SMIM17: variants seen among roughly 807,000 people sequenced by gnomAD.
The protein encoded by SMIM17 is small integral membrane protein 17.
In SMIM17, 10 loss-of-function variants were observed where a neutral mutation model predicts 12.2. The observed-to-expected ratio is 0.82, with a 90% CI of 0.50 to 1.39. The LOEUF (loss-of-function observed/expected upper bound fraction) is 1.39, where lower values mean the gene tolerates loss of function less well. Ranked by LOEUF, SMIM17 falls within the 40% of genes most tolerant of loss-of-function variation. SMIM17 has a pLI of 0.00. For synonymous variants in SMIM17, 50 were observed against 44.1 expected (o/e 1.13, Z -0.53); for missense variants, 136 against 118.2 (o/e 1.15, Z -0.70).
chr19:56,648,841 T>C (rs2148041036), intron 3 of SMIM17, among the ~76,000 whole-genome samples: 1 of 152,338 alleles, frequency 6.6e-6, no homozygotes, highest in South Asian at 2.1e-4. Context: ...AGAAAACCAG[T>C]GGTTCTTTCA....
intron 3 of SMIM17, among the ~76,000 whole-genome samples, chr19:56,651,683 G>A (rs192346575): frequency 3.3e-5 from 5 of 152,170 alleles, no homozygotes; most frequent in Admixed American, 2.6e-4. Flanking sequence ...GGGGGATTTC[G>A]GGGTTGATAA....
At chr19:56,645,869 G>C (rs1213997984) in intron 2 of SMIM17, 33 bp downstream of exon 2, 3 of 1,503,710 alleles carry the variant, frequency 2.0e-6, no homozygotes, top group Non-Finnish European at 2.7e-6. Flanking sequence ...GAGGTGAGTG[G>C]GTGGAGAGGA....
chr19:56,647,445 G>T (rs1336164788), intron 2 of SMIM17, 113 bp from the exon 3 acceptor site: 2 of 634,306 alleles, frequency 3.2e-6, no homozygotes, highest in Non-Finnish European at 5.3e-6. Flanking sequence ...GAGAGAGAGA[G>T]AGAGAGGAGG....
intron 1 of SMIM17, among the ~76,000 whole-genome samples, chr19:56,645,255 CTG>C (rs1239018495): frequency 1.7e-4 from 25 of 150,864 alleles, no homozygotes; most frequent in Middle Eastern, 3.2e-3. Flanking sequence ...GACTGTGTGT[CTG>C]TGTGTGTGTA....
chr19:56,646,814 G>T (rs931656539), intron 2 of SMIM17, among the ~76,000 whole-genome samples: 1 of 152,190 alleles, frequency 6.6e-6, no homozygotes, highest in Non-Finnish European at 1.5e-5. Flanking sequence ...GGCCCAAACA[G>T]ATGGATAAAG....
rs539773616 is a variant in SMIM17, at chr19:56,647,559, C to G, written c.171C>G (p.Asp57Glu). The G allele has an allele frequency of 5.9e-6, 9 of 1,535,596 alleles. No individual in the cohort carries two copies. The South Asian group carries it at 1.1e-4, about 18-fold the overall frequency. Residue 57 changes from aspartate (D) to glutamate (E), a missense_variant and splice_region_variant, in exon 3 of 4, where the codon GAC becomes GAG. Coordinates refer to ENST00000598409, the MANE Select transcript of SMIM17 (RefSeq NM_001193628.2). ...GASSHDSDEK[D>E]LSSQETGLSQ... ...TCCTCCACTCCCACCCTCACCCAGA[C>G]CTGTCTTCTCAAGAGACTGGGCTTT... is the stretch of plus-strand genomic sequence containing the variant.
intron 3 of SMIM17, among the ~76,000 whole-genome samples, chr19:56,652,615 G>A (rs548437541): frequency 1.3e-4 from 19 of 151,354 alleles, no homozygotes; most frequent in Admixed American, 5.9e-4. Flanking sequence ...TTGCACCACT[G>A]CCCTCCAGCC....
At chr19:56,644,700 T>C (rs1218245290) in intron 1 of SMIM17, among the ~76,000 whole-genome samples, 1 of 152,220 alleles carries the variant, frequency 6.6e-6, no homozygotes, top group African/African-American at 2.4e-5. Context: ...CTCCTTACAA[T>C]AGAGAAGTAT....
chr19:56,643,362 T>G (rs1311590384), intron 1 of SMIM17, among the ~76,000 whole-genome samples, 152 bp downstream of exon 1: 2 of 152,040 alleles, frequency 1.3e-5, no homozygotes, highest in African/African-American at 4.8e-5. Context: ...GCTCCAGGGA[T>G]AGGGTCCGGG....
intron 3 of SMIM17, among the ~76,000 whole-genome samples, chr19:56,653,376 T>C (rs2148044751): frequency 6.6e-6 from 1 of 152,338 alleles, no homozygotes; most frequent in Middle Eastern, 3.4e-3. Context: ...GCTGGACAGT[T>C]TTCCATTTAA....
intron 2 of SMIM17, among the ~76,000 whole-genome samples, 168 bp downstream of exon 2, chr19:56,646,004 G>A (rs79110504): frequency 0.016 from 2,375 of 152,358 alleles, 66 homozygotes; most frequent in African/African-American, 0.054. Context: ...AAACTTAGGG[G>A]CTTAAAGCAA....
At position 56,655,726 on chromosome 19, in the gene SMIM17, A is replaced by T. The variant is rs1237806534; in HGVS notation, c.*513A>T. Reference sequence around the variant, plus strand: ...TCATGGTTAAGCTTGCATCATAGAAAGACTTGGGTAACTTTTACCTTTTCT... The same window carrying T: ...TCATGGTTAAGCTTGCATCATAGAATGACTTGGGTAACTTTTACCTTTTCT... On this transcript the variant is annotated 3_prime_UTR_variant, in exon 4 of 4. Transcript: ENST00000598409. 6 of 153,974 alleles carry T rather than the reference A, an allele frequency of 3.9e-5. No homozygotes were observed. The highest frequency in any genetic ancestry group is 3.2e-4 in the Admixed American group (5 of 15,440). 9.5% of individuals were successfully genotyped at this position (153,974 alleles called of 1,614,324 possible).
intron 3 of SMIM17, among the ~76,000 whole-genome samples, chr19:56,654,433 A>C (rs1745015786): frequency 6.6e-6 from 1 of 152,244 alleles, no homozygotes; most frequent in Admixed American, 6.5e-5. Context: ...TATCAAGACA[A>C]GAAACAAAAT....
chr19:56,646,945 G>C (rs1412124556), intron 2 of SMIM17, among the ~76,000 whole-genome samples: 2 of 152,156 alleles, frequency 1.3e-5, no homozygotes, highest in African/African-American at 4.8e-5. Context: ...CAGAAGGAGT[G>C]GATAACAGAG....
In SMIM17 at chr19:56,655,948, G is replaced by GT. The variant is rs1430654024; in HGVS notation, c.*740dup. On this transcript the variant is annotated 3_prime_UTR_variant, in exon 4 of 4. Transcript: ENST00000598409. ...GCATTTATTTTGGCGAATTACAGAG[G>GT]TTTTTGTTTTTTTTTTTTTTTGAGA... Among the ~76,000 whole-genome samples, 125 of 118,924 alleles carry GT rather than the reference G, an allele frequency of 1.1e-3. 1 individual carries two copies. The highest frequency in any genetic ancestry group is 2.6e-3 in the South Asian group (9 of 3,408). The allele number at this position is 118,924 out of a possible 152,430, so 78.0% of individuals were successfully genotyped here.
chr19:56,653,685 T>C (rs1471819174), intron 3 of SMIM17, among the ~76,000 whole-genome samples: 4 of 152,236 alleles, frequency 2.6e-5, no homozygotes, highest in Non-Finnish European at 5.9e-5. Flanking sequence ...CTTTTGGTGC[T>C]CTACCAGGTT....
In SMIM17 at chr19:56,657,144, G is replaced by A. The variant is rs2045157802; in HGVS notation, c.*1931G>A. Among the ~76,000 whole-genome samples, 1 of 152,176 alleles carries A rather than the reference G, an allele frequency of 6.6e-6. No homozygotes were observed. Among genetic ancestry groups the A allele is most frequent in the South Asian group, 2.1e-4 (1 of 4,826 alleles). On this transcript the variant is annotated 3_prime_UTR_variant, in exon 4 of 4. Coordinates refer to ENST00000598409, the MANE Select transcript of SMIM17 (RefSeq NM_001193628.2). ...CAGCTGTGTAATTCGAGGCATATAA[G>A]TGCAGCATTGTTATGTCCTTGTTAA...
intron 3 of SMIM17, among the ~76,000 whole-genome samples, chr19:56,651,964 C>T (rs1216525070): frequency 6.6e-6 from 1 of 151,846 alleles, no homozygotes; most frequent in Non-Finnish European, 1.5e-5. Flanking sequence ...ATTAGCTGGG[C>T]ATGGTGGCAC....
intron 3 of SMIM17, among the ~76,000 whole-genome samples, chr19:56,650,911 C>T (rs1027206482): frequency 2.6e-5 from 4 of 152,200 alleles, no homozygotes; most frequent in Non-Finnish European, 4.4e-5. Context: ...ATCATTCATT[C>T]ACTCACTCGT....
Sources: allele counts gnomAD v4.1 joint callset (sites outside exome capture counted in the v4.1 genomes callset), GRCh38; gene constraint gnomAD v4.1.1; transcripts MANE v1.5; gene names NCBI Gene and HGNC (gene_info 2026-07-23, HGNC 2026-07-21).